NUDT13: variants seen among roughly 807,000 people sequenced by gnomAD.
NUDT13 encodes NAD(P)H pyrophosphatase NUDT13, mitochondrial.
NUDT13 carries 40 observed loss-of-function variants against 41.7 expected under a neutral mutation model. That is an observed-to-expected ratio of 0.96 (90% CI 0.75 to 1.25). NUDT13 has a LOEUF of 1.25. NUDT13 is among the 50% of genes most tolerant of loss of function. The pLI, the probability that NUDT13 is intolerant of heterozygous loss-of-function variation, is 0.00. For missense variants in NUDT13, 390 were observed against 416.1 expected (o/e 0.94, Z 0.55); for synonymous variants, 145 against 155.5 (o/e 0.93, Z 0.50).
intron 1 of NUDT13, among the ~76,000 whole-genome samples, chr10:73,112,453 A>G (rs1564646778): frequency 6.6e-6 from 1 of 152,026 alleles, no homozygotes; most frequent in Non-Finnish European, 1.5e-5. Context: ...CATGTTAACC[A>G]ACTGTTACCT....
chr10:73,123,027 A>G (rs1364199366), intron 4 of NUDT13, among the ~76,000 whole-genome samples: 1 of 149,122 alleles, frequency 6.7e-6, no homozygotes, highest in African/African-American at 2.5e-5. Context: ...CAGCCTCCCT[A>G]TTAGCTGGGA....
At position 73,127,037 on chromosome 10, in the gene NUDT13, A is replaced by C. The variant is rs111769005; in HGVS notation, c.858+210A>C. ...TGTGGGCGGATCACTTGAGGTCAGG[A>C]GTTCAAGACCAGCCTGGCCAACATG... On this transcript the variant is annotated intron_variant, in intron 8 of 8. Coordinates refer to ENST00000357321, the MANE Select transcript of NUDT13 (RefSeq NM_015901.6). Among the ~76,000 whole-genome samples, 297 of 152,222 alleles carry C rather than the reference A, an allele frequency of 2.0e-3. 3 individuals are homozygous for C. The highest frequency in any genetic ancestry group is 6.8e-3 in the African/African-American group (281 of 41,536).
chr10:73,130,319 C>G (rs988587240), intron 8 of NUDT13: 1 of 151,904 alleles, frequency 6.6e-6, no homozygotes, highest in Non-Finnish European at 1.5e-5. Flanking sequence ...AAAAATTAGC[C>G]GGGCATGGTG....
In NUDT13 at chr10:73,131,132, G is replaced by C; in HGVS notation, c.*229G>C. ...GAAGAAAACTGATGAGCTGTCAACT[G>C]TCAAAAATCAGGGGGAAGGGGGAAG... On this transcript the variant is annotated 3_prime_UTR_variant, in exon 9 of 9. Transcript: ENST00000357321. 1 of 417,524 alleles carries C rather than the reference G, an allele frequency of 2.4e-6. No individual in the cohort carries two copies. Among genetic ancestry groups the C allele is most frequent in the Non-Finnish European group, 4.5e-6 (1 of 221,530 alleles). The allele number at this position is 417,524 out of a possible 1,614,324, so 25.9% of individuals were successfully genotyped here.
At chr10:73,118,893 A>G (rs1277083820) in intron 2 of NUDT13, among the ~76,000 whole-genome samples, 1 of 151,806 alleles carries the variant, frequency 6.6e-6, no homozygotes, top group Non-Finnish European at 1.5e-5. Flanking sequence ...AATTGCCTGA[A>G]CCTGGGAGGC....
intron 3 of NUDT13, among the ~76,000 whole-genome samples, 154 bp downstream of exon 3, chr10:73,120,311 T>A (rs1842613431): frequency 6.6e-6 from 1 of 152,226 alleles, no homozygotes; most frequent in Non-Finnish European, 1.5e-5. Flanking sequence ...TTCTGCCAAC[T>A]AATAATTTAT....
At chr10:73,125,611 A>C in intron 7 of NUDT13, 102 bp downstream of exon 7, 1 of 549,398 alleles carries the variant, frequency 1.8e-6, no homozygotes, top group Non-Finnish European at 3.0e-6. Context: ...TCCCAAGCAC[A>C]TTCTTTTCTA....
At chr10:73,127,841 G>A (rs930552496) in intron 8 of NUDT13, among the ~76,000 whole-genome samples, 4 of 150,610 alleles carry the variant, frequency 2.7e-5, no homozygotes, top group Non-Finnish European at 5.9e-5. Flanking sequence ...ACCTTATGGT[G>A]TACAGATCTT....
At chr10:73,126,120 G>A in intron 7 of NUDT13, 1 of 267,538 alleles carries the variant, frequency 3.7e-6, no homozygotes, top group Non-Finnish European at 7.5e-6. Flanking sequence ...CAAGCTTTGT[G>A]CCTCTCATCA....
intron 4 of NUDT13, among the ~76,000 whole-genome samples, chr10:73,123,001 A>G (rs1386395014): frequency 6.6e-6 from 1 of 151,504 alleles, no homozygotes; most frequent in Non-Finnish European, 1.5e-5. Context: ...CCCAGGTTCA[A>G]GCGATTCTCC....
intron 7 of NUDT13, 142 bp downstream of exon 7, chr10:73,125,651 T>TTATATTTATATATATATATATATA (rs1554847531): frequency 1.7e-4 from 34 of 195,602 alleles, no homozygotes; most frequent in African/African-American, 9.5e-4. Flanking sequence ...TTCTGGCATT[T>TTATATTTATATATATATATATATA]TATATATATA....
rs569419062 is a variant in NUDT13 at position 73,119,999 on chromosome 10, GATT to G, written c.84-15_84-13del. On this transcript the variant is annotated splice_polypyrimidine_tract_variant and intron_variant, in intron 2 of 8. Transcript: ENST00000357321. ...ACTAAGGGTGGTTTTGTAATGGTTT[GATT>G]ATTTCCCAAATACAGGTATTTATTT... 1.9e-3 allele frequency: 3,124 copies of G among 1,613,826 alleles called. 71 individuals carry two copies. In the South Asian group the frequency reaches 0.031, roughly 16 times the overall value.
chr10:73,114,273 C>A, intron 1 of NUDT13, 84 bp from the exon 2 acceptor site: 1 of 553,446 alleles, frequency 1.8e-6, no homozygotes, highest in Non-Finnish European at 3.0e-6. Context: ...CCCATTCTGG[C>A]TTAAAGTATA....
At chr10:73,124,368 T>C (rs776647321) in intron 5 of NUDT13, 48 bp downstream of exon 5, 6 of 1,283,374 alleles carry the variant, frequency 4.7e-6, no homozygotes, top group Middle Eastern at 1.8e-4. Flanking sequence ...GAGCAGTAAG[T>C]GTGGGCAAAT....
At chr10:73,115,712 C>T (rs1044275751) in intron 2 of NUDT13, among the ~76,000 whole-genome samples, 1 of 151,996 alleles carries the variant, frequency 6.6e-6, no homozygotes, top group Admixed American at 6.6e-5. Context: ...TTGTTCTATT[C>T]CTGTCACTTC....
chr10:73,126,776 T>A lies in NUDT13; in HGVS notation c.807T>A (p.Ser269Arg). ...YYASQHWPFP[S>R]GSLMIACHAT... Reference sequence around the variant, plus strand: ...CATCCCAGCATTGGCCCTTCCCTAGTGGCTCACTCATGATTGCTTGCCATG... The same window carrying A: ...CATCCCAGCATTGGCCCTTCCCTAGAGGCTCACTCATGATTGCTTGCCATG... Residue 269 changes from serine (S) to arginine (R), a missense_variant, in exon 8 of 9, where the codon AGT (serine) becomes AGA (arginine). Coordinates refer to ENST00000357321, the MANE Select transcript of NUDT13 (RefSeq NM_015901.6). 6.2e-7 allele frequency: 1 copy of A among 1,614,188 alleles called. No individual in the cohort carries two copies. Among genetic ancestry groups the A allele is most frequent in the Non-Finnish European group, 8.5e-7 (1 of 1,180,032 alleles).
intron 8 of NUDT13, chr10:73,130,473 A>AAAT (rs1554848252): frequency 6.3e-6 from 1 of 157,534 alleles, no homozygotes; most frequent in Non-Finnish European, 1.3e-5. Flanking sequence ...AAAAAAAAAA[A>AAAT]ATATATATAT....
At chr10:73,130,626 T>C (rs1842897122) in intron 8 of NUDT13, 77 bp from the exon 9 acceptor site, 5 of 1,226,746 alleles carry the variant, frequency 4.1e-6, no homozygotes, top group African/African-American at 3.0e-5. Flanking sequence ...TCTAGAATCA[T>C]TTTCTGACCT....
chr10:73,124,356 T>C (rs768271007), intron 5 of NUDT13, 36 bp downstream of exon 5: 18 of 1,441,946 alleles, frequency 1.2e-5, no homozygotes, highest in Admixed American at 5.0e-5. Context: ...GGAAATTTAG[T>C]AGAGCAGTAA....
Sources: allele counts gnomAD v4.1 joint callset (sites outside exome capture counted in the v4.1 genomes callset), GRCh38; gene constraint gnomAD v4.1.1; transcripts MANE v1.5; gene names NCBI Gene and HGNC (gene_info 2026-07-23, HGNC 2026-07-21).